The following TDP1 variants were observed in gnomAD, a reference collection of about 807,000 sequenced individuals.
The protein encoded by TDP1 is tyrosyl-DNA phosphodiesterase 1, also known as tyr-DNA phosphodiesterase 1.
A neutral mutation model predicts 81.5 loss-of-function variants in TDP1; 64 were observed. The observed-to-expected ratio is 0.79, with a 90% CI of 0.64 to 0.97. The LOEUF (loss-of-function observed/expected upper bound fraction) is 0.97. Ranked by LOEUF, TDP1 falls within the 50% of genes least tolerant of loss-of-function variation. The pLI is 0.00. For missense variants in TDP1, 723 were observed against 743.8 expected (o/e 0.97, Z 0.33); for synonymous variants, 256 against 264.3 (o/e 0.97, Z 0.30).
chr14:89,985,104 T>A, intron 9 of TDP1, 28 bp from the exon 10 acceptor site: 2 of 1,560,076 alleles, frequency 1.3e-6, no homozygotes, highest in Non-Finnish European at 1.8e-6. Flanking sequence ...CACTATATTT[T>A]ATAACTTGTG....
In TDP1 at chr14:89,985,225, A is replaced by C; in HGVS notation, c.1131+15A>C. ...GACTTAAGAAGGTAACAGAACTTTT[A>C]CTATTTTAACATTTTTAAAAAATTT... On this transcript the variant is annotated intron_variant, in intron 10 of 16. Transcript: ENST00000335725. 1.3e-6 allele frequency: 2 copies of C among 1,518,668 alleles called. No homozygotes were observed. The highest frequency in any genetic ancestry group is 2.8e-5 in the African/African-American group (2 of 72,382). 94.1% of individuals were successfully genotyped at this position (1,518,668 alleles called of 1,614,324 possible).
At chr14:90,010,543 C>G (rs1884580233) in intron 14 of TDP1, among the ~76,000 whole-genome samples, 2 of 152,008 alleles carry the variant, frequency 1.3e-5, no homozygotes, top group Admixed American at 1.3e-4. Context: ...AGTATAATCA[C>G]AAAGATACTT....
At chr14:90,006,440 A>G (rs1031618045) in intron 14 of TDP1, among the ~76,000 whole-genome samples, 2 of 152,104 alleles carry the variant, frequency 1.3e-5, no homozygotes, top group Admixed American at 1.3e-4. Context: ...GTGCAATGGC[A>G]TGCTCACTGC....
At chr14:89,980,330 A>C in intron 7 of TDP1, 1 of 984,702 alleles carries the variant, frequency 1.0e-6, no homozygotes, top group Non-Finnish European at 1.2e-6. Flanking sequence ...TTTACCACCA[A>C]ATACTCAACC....
intron 5 of TDP1, chr14:89,970,825 T>G (rs1893539481): frequency 8.5e-6 from 7 of 823,576 alleles, no homozygotes; most frequent in Non-Finnish European, 1.0e-5. Context: ...TGATGTATTT[T>G]AATTAATTTA....
chr14:89,987,599 C>G (rs1038212693), intron 10 of TDP1, among the ~76,000 whole-genome samples: 1 of 152,096 alleles, frequency 6.6e-6, no homozygotes, highest in African/African-American at 2.4e-5. Context: ...TTGGTCTCTT[C>G]CTGGGCAGAA....
chr14:90,040,371 C>T (rs796416922), intron 16 of TDP1, among the ~76,000 whole-genome samples: 50 of 152,306 alleles, frequency 3.3e-4, no homozygotes, highest in African/African-American at 1.2e-3. Context: ...TGCATATTGC[C>T]AGGCCACAAC....
rs566025533 is a variant in TDP1, at chr14:89,992,049, G to T, written c.1433+66G>T. The T allele has an allele frequency of 2.2e-6, 3 of 1,379,928 alleles. No homozygotes were observed. The African/African-American group carries it at 5.1e-5, about 23-fold the overall frequency. The allele number at this position is 1,379,928 out of a possible 1,614,324, so 85.5% of individuals were successfully genotyped here. A position where few individuals can be genotyped will look rare whatever the true frequency, so the allele number is the denominator to read the frequency against. On this transcript the variant is annotated intron_variant, in intron 13 of 16. Transcript: ENST00000335725. ...AATTAGAGTGTTATTTATGTCACTG[G>T]TTTGTTTTTTTTTTTAAAAGGAACT...
Position 89,963,474 on chromosome 14 carries a change from T to C in TDP1, c.360T>C (p.Asn120=). ...AGGAGAAAGACATCTCTGCTCCCAA[T>C]GACGGCACTGCCCAAAGAACTGAAA... ...IKKEKDISAP[N]DGTAQRTENH... is the part of the protein sequence containing the mutation. The change falls in exon 3 of 17, where the codon AAT becomes AAC. Residue 120 remains asparagine, a synonymous_variant. Transcript: ENST00000335725. 6.2e-7 allele frequency: 1 copy of C among 1,610,004 alleles called. No homozygotes were observed. The highest frequency in any genetic ancestry group is 8.5e-7 in the Non-Finnish European group (1 of 1,177,732).
At chr14:89,962,579 C>T (rs1352729529) in intron 2 of TDP1, among the ~76,000 whole-genome samples, 1 of 152,022 alleles carries the variant, frequency 6.6e-6, no homozygotes, top group Non-Finnish European at 1.5e-5. Flanking sequence ...GATTGAAAGC[C>T]AAGGCCAGGC....
chr14:89,999,467 A>G (rs1897002660), intron 14 of TDP1, among the ~76,000 whole-genome samples: 1 of 152,230 alleles, frequency 6.6e-6, no homozygotes, highest in Non-Finnish European at 1.5e-5. Flanking sequence ...GCCAAAGGTA[A>G]ATACATCAAA....
rs35407389 is a variant in TDP1, at chr14:89,957,579, G to A, written c.-8+779G>A. 2.2e-3 allele frequency among the ~76,000 whole-genome samples: 337 copies of A among 152,334 alleles called. 1 individual carries two copies. The highest frequency in any genetic ancestry group is 7.9e-3 in the African/African-American group (330 of 41,580). ...TGGTCTTTAAGCTCAATGAGAAGGA[G>A]CAGCTGGAGGTGAAAGAGAAATGCC... On this transcript the variant is annotated intron_variant, in intron 2 of 16. Coordinates refer to ENST00000335725, the MANE Select transcript of TDP1 (RefSeq NM_018319.4).
intron 15 of TDP1, among the ~76,000 whole-genome samples, chr14:90,026,105 C>T (rs1429050603): frequency 1.3e-5 from 2 of 152,252 alleles, no homozygotes; most frequent in African/African-American, 4.8e-5. Flanking sequence ...TTTCTCTTTT[C>T]TCTGTTCTGT....
intron 14 of TDP1, among the ~76,000 whole-genome samples, chr14:90,003,981 C>T (rs1006962812): frequency 2.0e-5 from 3 of 152,124 alleles, no homozygotes; most frequent in Non-Finnish European, 4.4e-5. Context: ...AAAATACTTA[C>T]AGATGTCATT....
At chr14:89,985,950 C>T (rs1461503147) in intron 10 of TDP1, among the ~76,000 whole-genome samples, 3 of 152,174 alleles carry the variant, frequency 2.0e-5, no homozygotes, top group African/African-American at 7.2e-5. Context: ...TCGCTTGAAC[C>T]CGGGAGGCGG....
intron 2 of TDP1, among the ~76,000 whole-genome samples, chr14:89,960,030 G>C (rs1198691581): frequency 2.0e-5 from 3 of 152,174 alleles, no homozygotes; most frequent in Non-Finnish European, 4.4e-5. Flanking sequence ...ACAGCCTGAG[G>C]ACTGTAATGG....
At position 89,965,537 on chromosome 14, in the gene TDP1, G is replaced by A. The variant is rs149634560; in HGVS notation, c.560-610G>A. Among the ~76,000 whole-genome samples the A allele has an allele frequency of 3.3e-5, 5 of 152,306 alleles. No homozygotes were observed. In the East Asian group the frequency reaches 9.7e-4, roughly 29 times the overall value. ...GTTGTAATGGAAGGTCACGATGATG[G>A]TGTACTTGCTCTCGTGGTATGGTTT... On this transcript the variant is annotated intron_variant, in intron 3 of 16. Transcript: ENST00000335725.
At position 89,963,638 on chromosome 14, in the gene TDP1, A is replaced by C. The variant is rs1328004740; in HGVS notation, c.524A>C (p.Lys175Thr). 3 of 1,614,096 alleles carry C rather than the reference A, an allele frequency of 1.9e-6. No individual in the cohort carries two copies. The highest frequency in any genetic ancestry group is 3.3e-5 in the Admixed American group (2 of 60,010). Reference protein sequence around the residue: ...QFYLTRVSGVKPKYNSGALHI... With the variant: ...QFYLTRVSGVTPKYNSGALHI... ...TACCTCACTAGAGTCTCTGGAGTTA[A>C]GCCAAAGTATAACTCTGGAGCCCTC... is the stretch of plus-strand genomic sequence containing the variant. Residue 175 changes from lysine to threonine, a missense_variant, in exon 3 of 17, where the codon AAG becomes ACG. Coordinates refer to ENST00000335725, the MANE Select transcript of TDP1 (RefSeq NM_018319.4).
At chr14:89,990,812 T>C (rs1054508155) in intron 12 of TDP1, among the ~76,000 whole-genome samples, 2 of 152,058 alleles carry the variant, frequency 1.3e-5, no homozygotes, top group African/African-American at 4.8e-5. Context: ...GATATAGATC[T>C]CTTTGGGTGT....
Sources: gnomAD v4.1 joint callset for allele counts (sites outside exome capture counted in the v4.1 genomes callset) on GRCh38, gnomAD v4.1.1 for gene constraint, MANE v1.5 for transcripts, NCBI Gene and HGNC (gene_info 2026-07-23, HGNC 2026-07-21) for gene names.